The following PMVK variants were observed in gnomAD, a reference collection of about 807,000 sequenced individuals.
PMVK encodes the protein phosphomevalonate kinase.
Under a neutral mutation model 19.0 loss-of-function variants are expected in PMVK, and 10 were observed. The observed-to-expected ratio is 0.53, with a 90% CI of 0.32 to 0.89. The LOEUF (loss-of-function observed/expected upper bound fraction) is 0.89. Among genes scored for constraint, PMVK ranks in the 40% least tolerant of loss-of-function variants. The pLI, the probability that PMVK is intolerant of heterozygous loss-of-function variation, is 0.03. For missense variants in PMVK, 222 were observed against 251.1 expected, an observed-to-expected ratio of 0.88 and a Z score of 0.78; for synonymous variants, 108 against 101.6, an observed-to-expected ratio of 1.06 and a Z score of -0.38.
At chr1:154,925,801 A>G (rs1296653699) in intron 4 of PMVK, among the ~76,000 whole-genome samples, 2 of 152,358 alleles carry the variant, frequency 1.3e-5, no homozygotes, top group East Asian at 3.9e-4. Context: ...GTAAAGTGAG[A>G]CAGTGCATAT....
In PMVK at chr1:154,925,268, A is replaced by G. The variant is rs781713647; in HGVS notation, c.443-3T>C. The G allele has an allele frequency of 1.9e-6, 3 of 1,614,036 alleles. No individual in the cohort carries two copies. The South Asian group carries it at 3.3e-5, about 18-fold the overall frequency. ...TTCTGACTCAGCATCGTCCACCCCT[A>G]TGAAGGAAGCATGGTGAGGTCAGGC... is the stretch of plus-strand genomic sequence containing the variant. On this transcript the variant is annotated splice_polypyrimidine_tract_variant and splice_region_variant and intron_variant, in intron 4 of 4. Transcript: ENST00000368467.
intron 1 of PMVK, 183 bp downstream of exon 1, chr1:154,936,408 G>C (rs1654505475): frequency 1.0e-6 from 1 of 985,368 alleles, no homozygotes; most frequent in Non-Finnish European, 1.2e-6. Flanking sequence ...CTTCTTTGAG[G>C]CTCGCCTGTG....
intron 1 of PMVK, among the ~76,000 whole-genome samples, chr1:154,935,581 T>C (rs999493122): frequency 6.6e-6 from 1 of 152,194 alleles, no homozygotes; most frequent in African/African-American, 2.4e-5. Flanking sequence ...TTGTTTCAAT[T>C]ATATATTAAT....
At chr1:154,941,819 G>C in the PMVK span, among the ~76,000 whole-genome samples, 1 of 152,170 alleles carries the variant, frequency 6.6e-6, no homozygotes, top group Non-Finnish European at 1.5e-5. Flanking sequence ...GGGCCTAGGG[G>C]ACCTGGGGAG....
chr1:154,939,933 CTTT>C (rs59217610), upstream of PMVK, among the ~76,000 whole-genome samples: 1 of 145,406 alleles, frequency 6.9e-6, no homozygotes, highest in Non-Finnish European at 1.5e-5. Flanking sequence ...CTGAGTTAAA[CTTT>C]TTTTTTTTTT....
At chr1:154,936,943 TC>T, upstream of PMVK, 1 of 490,282 alleles carries the variant, frequency 2.0e-6, no homozygotes, top group South Asian at 2.1e-5. Flanking sequence ...CTCGTGAAGC[TC>T]CCCCACCCGA....
At chr1:154,939,646 G>A (rs572684931), upstream of PMVK, among the ~76,000 whole-genome samples, 5 of 150,600 alleles carry the variant, frequency 3.3e-5, no homozygotes, top group Admixed American at 6.6e-5. Context: ...TGCAGTGAGC[G>A]GAGATCAGAG....
intron 2 of PMVK, among the ~76,000 whole-genome samples, chr1:154,930,400 G>T (rs962851490): frequency 6.6e-6 from 1 of 152,346 alleles, no homozygotes; most frequent in Non-Finnish European, 1.5e-5. Context: ...GGTGGAGGTT[G>T]CAGTGAGCCA....
Position 154,929,027 on chromosome 1 carries a change from G to A in PMVK, c.309C>T (p.Ile103=), listed in dbSNP as rs778685178. 2 of 1,613,686 alleles carry A rather than the reference G, an allele frequency of 1.2e-6. No individual in the cohort carries two copies. The highest frequency in any genetic ancestry group is 1.1e-5 in the South Asian group (1 of 91,072). ...TGCTGCCATGGAGCCCTCTTACCCA[G>A]ATGGGCTGGGAGATGCCCTCCACAA... The part of the protein sequence containing the change: ...RKIVEGISQP[I]WLVSDTRRVS... Residue 103 remains isoleucine, a synonymous_variant, in exon 3 of 5, where the codon ATC becomes ATT. Coordinates refer to ENST00000368467, the MANE Select transcript of PMVK (RefSeq NM_006556.4).
chr1:154,934,045 G>C (rs2101972712), intron 1 of PMVK, among the ~76,000 whole-genome samples: 1 of 152,282 alleles, frequency 6.6e-6, no homozygotes. Flanking sequence ...TGTAGCCCAG[G>C]CTGGAATGCA....
intron 2 of PMVK, 109 bp from the exon 3 acceptor site, chr1:154,929,285 T>C (rs1402351474): frequency 2.0e-6 from 2 of 1,004,870 alleles, no homozygotes; most frequent in Non-Finnish European, 3.0e-6. Flanking sequence ...CCAGGGCTGA[T>C]GCAAGGATTA....
At position 154,936,697 on chromosome 1, in the gene PMVK, G is replaced by T; in HGVS notation, c.-12C>A. Reference sequence around the variant, plus strand: ...CCCAGCGGGGCCATGGGGCCGCCACGCCTCGCGATGCCTGAAGCTGACACT... The same window carrying T: ...CCCAGCGGGGCCATGGGGCCGCCACTCCTCGCGATGCCTGAAGCTGACACT... On this transcript the variant is annotated 5_prime_UTR_variant, in exon 1 of 5. Transcript: ENST00000368467. 1 of 1,587,946 alleles carries T rather than the reference G, an allele frequency of 6.3e-7. No homozygotes were observed.
intron 2 of PMVK, among the ~76,000 whole-genome samples, chr1:154,930,157 G>A (rs1331119002): frequency 2.6e-5 from 4 of 152,176 alleles, no homozygotes; most frequent in Non-Finnish European, 4.4e-5. Context: ...GTCTTCCATG[G>A]AGCTTTTAAA....
upstream of PMVK, chr1:154,936,927 C>A (rs1654527919): frequency 3.9e-6 from 2 of 518,050 alleles, no homozygotes; most frequent in East Asian, 6.8e-5. Context: ...CACAGAGCAG[C>A]CTCCCCTCGT....
upstream of PMVK, among the ~76,000 whole-genome samples, chr1:154,941,612 G>A (rs972931322): frequency 7.2e-5 from 11 of 152,048 alleles, no homozygotes; most frequent in African/African-American, 2.4e-4. Context: ...TCCAGTGTGT[G>A]TCCTTGGGCC....
At position 154,929,187 on chromosome 1, in the gene PMVK, G is replaced by C; in HGVS notation, c.160-11C>G. ...GTTCAAGCCATGCTCCTGCCCAAAG[G>C]ACATTATGTCTACGTCACCGGCCTT... On this transcript the variant is annotated splice_polypyrimidine_tract_variant and intron_variant, in intron 2 of 4. Coordinates refer to ENST00000368467, the MANE Select transcript of PMVK (RefSeq NM_006556.4). 1 of 1,613,760 alleles carries C rather than the reference G, an allele frequency of 6.2e-7. No homozygotes were observed. The highest frequency in any genetic ancestry group is 8.5e-7 in the Non-Finnish European group (1 of 1,179,698).
At chr1:154,932,470 T>C in intron 1 of PMVK, 55 bp from the exon 2 acceptor site, 5 of 1,330,224 alleles carry the variant, frequency 3.8e-6, no homozygotes, top group Non-Finnish European at 5.2e-6. Flanking sequence ...GGAGCTTCCA[T>C]GTCCCAGAAA....
intron 2 of PMVK, among the ~76,000 whole-genome samples, chr1:154,931,852 A>C (rs1654345540): frequency 6.6e-6 from 1 of 152,026 alleles, no homozygotes; most frequent in Non-Finnish European, 1.5e-5. Flanking sequence ...TACTTTAAAA[A>C]AAATTTTTTT....
chr1:154,933,278 A>T (rs1022206241), intron 1 of PMVK, among the ~76,000 whole-genome samples: 1 of 151,662 alleles, frequency 6.6e-6, no homozygotes. Context: ...TACTAAAAGC[A>T]TAAAATTAGC....
Sources: allele counts gnomAD v4.1 joint callset (sites outside exome capture counted in the v4.1 genomes callset), GRCh38; gene constraint gnomAD v4.1.1; transcripts MANE v1.5; gene names NCBI Gene and HGNC (gene_info 2026-07-23, HGNC 2026-07-21).